ARHGAP25: variants seen among roughly 807,000 people sequenced by gnomAD.
The protein encoded by ARHGAP25 is rho GTPase-activating protein 25.
A neutral mutation model predicts 71.0 loss-of-function variants in ARHGAP25; 34 were observed. That is an observed-to-expected ratio of 0.48 (90% confidence interval 0.36 to 0.64). ARHGAP25 has a LOEUF of 0.64. Among genes scored for constraint, ARHGAP25 ranks in the 30% least tolerant of loss-of-function variants. The probability of loss-of-function intolerance (pLI) is 0.00; values close to 1 mark genes in which losing one functional copy is unlikely to be tolerated. For missense variants in ARHGAP25, 706 were observed against 805.1 expected (o/e 0.88, Z 1.49); for synonymous variants, 282 against 296.5 (o/e 0.95, Z 0.50).
chr2:68,762,369 A>G (rs1676877893), intron 1 of ARHGAP25, among the ~76,000 whole-genome samples: 1 of 152,214 alleles, frequency 6.6e-6, no homozygotes, highest in Non-Finnish European at 1.5e-5. Context: ...ATCAAAAATA[A>G]GATAGTAAAT....
intron 1 of ARHGAP25, among the ~76,000 whole-genome samples, chr2:68,740,977 G>A (rs1333909101): frequency 6.6e-6 from 1 of 152,216 alleles, no homozygotes; most frequent in Non-Finnish European, 1.5e-5. Context: ...TGAATCTGGG[G>A]CAAGTTGCTT....
At chr2:68,755,315 T>C (rs1194153232) in intron 1 of ARHGAP25, among the ~76,000 whole-genome samples, 6 of 152,102 alleles carry the variant, frequency 3.9e-5, no homozygotes, top group Non-Finnish European at 8.8e-5. Flanking sequence ...CCAGGCCTCC[T>C]CCCAAAGATC....
At chr2:68,824,336 C>T (rs1681932778) in intron 10 of ARHGAP25, among the ~76,000 whole-genome samples, 1 of 152,210 alleles carries the variant, frequency 6.6e-6, no homozygotes, top group South Asian at 2.1e-4. Context: ...ACAGATTCTA[C>T]CTTCCACTGG....
chr2:68,761,821 A>G (rs1676838950), intron 1 of ARHGAP25, among the ~76,000 whole-genome samples: 1 of 152,210 alleles, frequency 6.6e-6, no homozygotes, highest in African/African-American at 2.4e-5. Flanking sequence ...GGAAAACAGT[A>G]TAGCAGTTCC....
At chr2:68,782,467 C>G in intron 3 of ARHGAP25, 147 bp downstream of exon 3, 2 of 667,694 alleles carry the variant, frequency 3.0e-6, no homozygotes, top group East Asian at 5.3e-5. Flanking sequence ...GTTCTTTATA[C>G]AGTTAATGAA....
chr2:68,769,014 A>T (rs1265834675), intron 1 of ARHGAP25, among the ~76,000 whole-genome samples: 1 of 152,180 alleles, frequency 6.6e-6, no homozygotes, highest in African/African-American at 2.4e-5. Flanking sequence ...ACCTTACCAG[A>T]GCCACTCAAA....
At chr2:68,813,076 A>G (rs1478384870) in intron 5 of ARHGAP25, among the ~76,000 whole-genome samples, 2 of 152,244 alleles carry the variant, frequency 1.3e-5, no homozygotes, top group Non-Finnish European at 2.9e-5. Flanking sequence ...TGGGTGGAAG[A>G]GACAGAGGAA....
chr2:68,720,264 A>G (rs1027617880), intron 2 of ARHGAP25, among the ~76,000 whole-genome samples: 2 of 150,062 alleles, frequency 1.3e-5, no homozygotes, highest in African/African-American at 4.9e-5. Flanking sequence ...TAGTGGAGCC[A>G]TGGGATGAAA....
At chr2:68,781,754 T>C (rs1457449632) in intron 2 of ARHGAP25, among the ~76,000 whole-genome samples, 1 of 152,246 alleles carries the variant, frequency 6.6e-6, no homozygotes, top group African/African-American at 2.4e-5. Context: ...ACTACATGAA[T>C]AATACATTCA....
At chr2:68,750,035 C>G (rs560667559) in intron 1 of ARHGAP25, among the ~76,000 whole-genome samples, 1 of 152,264 alleles carries the variant, frequency 6.6e-6, no homozygotes, top group South Asian at 2.1e-4. Context: ...GAGACAGGGT[C>G]TTGCTCTGTC....
chr2:68,744,707 C>T (rs1323018026), intron 1 of ARHGAP25, among the ~76,000 whole-genome samples: 1 of 152,210 alleles, frequency 6.6e-6, no homozygotes, highest in Non-Finnish European at 1.5e-5. Flanking sequence ...TTCCAAAAAG[C>T]CACAAATCAA....
At chr2:68,810,731 CT>C (rs539849992) in intron 5 of ARHGAP25, among the ~76,000 whole-genome samples, 3,826 of 73,942 alleles carry the variant, frequency 0.052, 108 homozygotes, top group Admixed American at 0.1. Flanking sequence ...CTTTTCTTCT[CT>C]TTTTTTTTTT....
chr2:68,809,095 T>C (rs1680589475), intron 5 of ARHGAP25, among the ~76,000 whole-genome samples: 1 of 152,144 alleles, frequency 6.6e-6, no homozygotes, highest in Non-Finnish European at 1.5e-5. Context: ...TATGACTGAC[T>C]CTTATTTGAT....
At chr2:68,762,499 G>A (rs1041374660) in intron 1 of ARHGAP25, among the ~76,000 whole-genome samples, 6 of 152,050 alleles carry the variant, frequency 3.9e-5, no homozygotes, top group East Asian at 1.9e-4. Context: ...AAAAGCTCTC[G>A]TATGCTATTA....
intron 4 of ARHGAP25, among the ~76,000 whole-genome samples, chr2:68,795,610 C>T (rs1000929650): frequency 1.3e-5 from 2 of 151,894 alleles, no homozygotes; most frequent in African/African-American, 4.8e-5. Flanking sequence ...AGTTTTATTC[C>T]ACTGTGGTCT....
At chr2:68,775,073 T>C in intron 1 of ARHGAP25, 148 bp from the exon 2 acceptor site, 1 of 1,540,570 alleles carries the variant, frequency 6.5e-7, no homozygotes, top group African/African-American at 1.4e-5. Flanking sequence ...GGGGACTTTC[T>C]CTGGCTCAGA....
At chr2:68,714,836 G>GA (rs916207761) in intron 2 of ARHGAP25, among the ~76,000 whole-genome samples, 5 of 151,590 alleles carry the variant, frequency 3.3e-5, no homozygotes, top group East Asian at 1.9e-4. Context: ...TTCCTTAGTA[G>GA]AAAAAAAATG....
rs539849992 is a variant in ARHGAP25 at position 68,810,731 on chromosome 2, C to CTTTTTT, written c.675-2540_675-2535dup. Among the ~76,000 whole-genome samples, 8 of 74,354 alleles carry CTTTTTT rather than the reference C, an allele frequency of 1.1e-4. 3 individuals are homozygous for CTTTTTT. The highest frequency in any genetic ancestry group is 2.5e-5 in the Non-Finnish European group (1 of 39,922). The allele number at this position is 74,354 out of a possible 152,430, so 48.8% of individuals were successfully genotyped here. A position where few individuals can be genotyped will look rare whatever the true frequency, so the allele number is the denominator to read the frequency against. On this transcript the variant is annotated intron_variant, in intron 5 of 10. Coordinates refer to ENST00000409202, the MANE Select transcript of ARHGAP25 (RefSeq NM_001007231.3). The stretch of plus-strand genomic sequence containing the variant: ...GATCCAATTTCTTTTCTTTTCTTCT[C>CTTTTTT]TTTTTTTTTTTTTTTTTTTTTGAGA...
chr2:68,815,816 G>T (rs956968067), intron 6 of ARHGAP25, among the ~76,000 whole-genome samples: 10 of 152,074 alleles, frequency 6.6e-5, no homozygotes, highest in Non-Finnish European at 1.3e-4. Context: ...CTCCAGCGTG[G>T]TCTGCCTGTC....
Sources: gnomAD v4.1 joint callset for allele counts (sites outside exome capture counted in the v4.1 genomes callset) on GRCh38, gnomAD v4.1.1 for gene constraint, MANE v1.5 for transcripts, NCBI Gene and HGNC (gene_info 2026-07-23, HGNC 2026-07-21) for gene names.